The following ITGAL variants were observed in gnomAD, a reference collection of about 807,000 sequenced individuals.
ITGAL encodes the protein integrin subunit alpha L.
ITGAL carries 68 observed loss-of-function variants against 138.4 expected under a neutral mutation model. The ratio of observed to expected loss-of-function variants is 0.49; its 90% CI spans 0.40 to 0.60. The LOEUF (loss-of-function observed/expected upper bound fraction) is 0.60. Ranked by LOEUF, ITGAL falls within the 20% of genes least tolerant of loss-of-function variation. The pLI, the probability that ITGAL is intolerant of heterozygous loss-of-function variation, is 0.00. For synonymous variants in ITGAL, 561 were observed against 584.3 expected (o/e 0.96, Z 0.57); for missense variants, 1,256 against 1,478.6 (o/e 0.85, Z 2.47).
Position 30,494,161 on chromosome 16 carries a change from T to A in ITGAL, c.1214-51T>A. On this transcript the variant is annotated intron_variant, in intron 11 of 30. Coordinates refer to ENST00000356798, the MANE Select transcript of ITGAL (RefSeq NM_002209.3). This position sits in a 1 kb window ranked among gnomAD's most constrained non-coding sequence, Gnocchi z 4.2. ...GCCCCTGCCCCTCTCCTGCTGGGTGTTCTTCCAGCATCCTGTGTTCCTAAC... is the reference window on the plus strand; with the variant it reads ...GCCCCTGCCCCTCTCCTGCTGGGTGATCTTCCAGCATCCTGTGTTCCTAAC... The A allele has an allele frequency of 6.7e-7, 1 of 1,493,896 alleles. No homozygotes were observed. The highest frequency in any genetic ancestry group is 9.1e-7 in the Non-Finnish European group (1 of 1,100,532). The allele number at this position is 1,493,896 out of a possible 1,614,324, so 92.5% of individuals were successfully genotyped here. A position where few individuals can be genotyped will look rare whatever the true frequency, so the allele number is the denominator to read the frequency against.
chr16:30,477,816 G>T (rs2050492466), intron 4 of ITGAL, among the ~76,000 whole-genome samples: 1 of 151,754 alleles, frequency 6.6e-6, no homozygotes, highest in Non-Finnish European at 1.5e-5. Flanking sequence ...AGCCCAGGAA[G>T]TTGAGGCTGC....
chr16:30,474,860 CT>C (rs58194640), intron 2 of ITGAL, among the ~76,000 whole-genome samples: 70 of 114,384 alleles, frequency 6.1e-4, no homozygotes, highest in Middle Eastern at 4.5e-3. Flanking sequence ...TTTTTTTTTT[CT>C]TTTTTTTTTT....
At chr16:30,506,550 C>G in intron 20 of ITGAL, among the ~76,000 whole-genome samples, 165 bp from the exon 21 acceptor site, 1 of 91,906 alleles carries the variant, frequency 1.1e-5, no homozygotes, top group Non-Finnish European at 1.9e-5. Context: ...CAGAGTGAGA[C>G]TCCATCTCAA....
rs2051277298 is a variant in ITGAL, at chr16:30,523,045, C to T, written c.*1380C>T. 6.6e-6 allele frequency: 1 copy of T among 152,408 alleles called. No individual in the cohort carries two copies. Among genetic ancestry groups the T allele is most frequent in the South Asian group, 2.1e-4 (1 of 4,846 alleles). The allele number at this position is 152,408 out of a possible 1,614,324, so 9.4% of individuals were successfully genotyped here. Reference sequence around the variant, plus strand: ...CTGCCCTGCCCTAGCTCCACACCCTCTCCCAGGACCCATCACGCCTGTGCA... The same window carrying T: ...CTGCCCTGCCCTAGCTCCACACCCTTTCCCAGGACCCATCACGCCTGTGCA... On this transcript the variant is annotated 3_prime_UTR_variant, in exon 31 of 31. Coordinates refer to ENST00000356798, the MANE Select transcript of ITGAL (RefSeq NM_002209.3).
At chr16:30,507,475 A>G (rs1235384876) in intron 21 of ITGAL, among the ~76,000 whole-genome samples, 1 of 151,092 alleles carries the variant, frequency 6.6e-6, no homozygotes, top group Non-Finnish European at 1.5e-5. Flanking sequence ...AAACAAAAAA[A>G]AAAACAAAAA....
chr16:30,496,035 C>T, intron 13 of ITGAL, 62 bp from the exon 14 acceptor site: 1 of 1,328,088 alleles, frequency 7.5e-7, no homozygotes, highest in Non-Finnish European at 1.1e-6. Context: ...ATTCTTCACT[C>T]AGTTGTTCTG....
At chr16:30,512,901 A>C (rs368981810) in intron 24 of ITGAL, among the ~76,000 whole-genome samples, 1 of 152,090 alleles carries the variant, frequency 6.6e-6, no homozygotes, top group Non-Finnish European at 1.5e-5. Context: ...GGGTTTCGCC[A>C]TGTTGGCCAG....
chr16:30,508,631 C>A (rs1278783428), intron 21 of ITGAL, among the ~76,000 whole-genome samples: 1 of 152,076 alleles, frequency 6.6e-6, no homozygotes, highest in East Asian at 1.9e-4. Context: ...GAGTTCGAGG[C>A]CGCTGTGAGC....
chr16:30,519,765 G>A (rs551245754), intron 29 of ITGAL, 92 bp from the exon 30 acceptor site: 46 of 821,342 alleles, frequency 5.6e-5, no homozygotes, highest in African/African-American at 3.8e-4. Context: ...GATGCAGTCC[G>A]GATAGGAGGA....
At chr16:30,519,498 G>A (rs946501303) in intron 29 of ITGAL, among the ~76,000 whole-genome samples, 1 of 152,224 alleles carries the variant, frequency 6.6e-6, no homozygotes, top group African/African-American at 2.4e-5. Flanking sequence ...GGCCTCTGTG[G>A]TGAGTGTTGG....
intron 24 of ITGAL, 23 bp downstream of exon 24, chr16:30,511,159 C>A: frequency 6.4e-7 from 1 of 1,569,586 alleles, no homozygotes; most frequent in Non-Finnish European, 8.8e-7. Context: ...CAGCAGACAG[C>A]CAACCCTCTC....
At chr16:30,502,782 G>A (rs4341759) in intron 17 of ITGAL, among the ~76,000 whole-genome samples, 51,199 of 150,036 alleles carry the variant, frequency 0.34, 11,242 homozygotes, top group East Asian at 0.85. Context: ...AGACAGTATA[G>A]GATTGGGACA....
intron 17 of ITGAL, among the ~76,000 whole-genome samples, chr16:30,500,057 ATTATTTAT>A (rs34854709): frequency 0.028 from 3,539 of 125,454 alleles, 53 homozygotes; most frequent in South Asian, 0.04. Context: ...CCTATTTTAT[ATTATTTAT>A]TTATTTATTT....
intron 4 of ITGAL, among the ~76,000 whole-genome samples, 154 bp downstream of exon 4, chr16:30,475,734 CTTTTTTTTTTTTTT>C (rs35994365): frequency 1.2e-5 from 1 of 81,308 alleles, no homozygotes; most frequent in Non-Finnish European, 2.4e-5. Context: ...ATGAACCAGC[CTTTTTTTTTTTTTT>C]TTTTTTTTTT....
In ITGAL at chr16:30,511,105, A is replaced by G. The variant is rs1235616327; in HGVS notation, c.2755A>G (p.Ile919Val). The G allele has an allele frequency of 6.2e-7, 1 of 1,613,714 alleles. No individual in the cohort carries two copies. Among genetic ancestry groups the G allele is most frequent in the Non-Finnish European group, 8.5e-7 (1 of 1,179,776 alleles). Residue 919 changes from isoleucine (I) to valine (V), a missense_variant, in exon 24 of 31, where the codon ATC becomes GTC. This residue lies in a region of ITGAL where 867 missense variants were observed against 972.5 expected (regional missense o/e 0.89). Transcript: ENST00000356798. ...CAACTCAGCCACTACCATCATCCCC[A>G]TCCTGTACCCCATCAACATCCTCAT... ...EDNSATTIIPILYPINILIQD... is the reference protein window; with the variant it reads ...EDNSATTIIPVLYPINILIQD...
chr16:30,491,324 T>C (rs2050721391), intron 11 of ITGAL, among the ~76,000 whole-genome samples: 1 of 151,176 alleles, frequency 6.6e-6, no homozygotes, highest in Non-Finnish European at 1.5e-5. Flanking sequence ...TCTCTTGAAC[T>C]CTGGAGGTAC....
Position 30,502,185 on chromosome 16 carries a change from G to C in ITGAL, c.2146-1990G>C, listed in dbSNP as rs183100175. On this transcript the variant is annotated intron_variant, in intron 17 of 30. Transcript: ENST00000356798. ...GGCCAAGGTGGGCGGATCACGAGGT[G>C]AGGAGATTGAGACCATCCTGGCTAA... is the stretch of plus-strand genomic sequence containing the variant. Among the ~76,000 whole-genome samples, 546 of 151,760 alleles carry C rather than the reference G, an allele frequency of 3.6e-3. 4 individuals carry two copies. Among genetic ancestry groups the C allele is most frequent in the African/African-American group, 9.9e-3 (411 of 41,400 alleles).
At chr16:30,505,587 GA>G in intron 20 of ITGAL, 125 bp downstream of exon 20, 2 of 745,638 alleles carry the variant, frequency 2.7e-6, no homozygotes, top group East Asian at 5.2e-5. Flanking sequence ...CCTTTTCTGA[GA>G]AATTTGAGGC....
At chr16:30,506,627 A>C (rs1177542794) in intron 20 of ITGAL, 88 bp from the exon 21 acceptor site, 3 of 511,548 alleles carry the variant, frequency 5.9e-6, no homozygotes, top group Non-Finnish European at 9.5e-6. Flanking sequence ...GTTTTGATTT[A>C]TTTCTTTCTG....
Sources: gnomAD v4.1 joint callset for allele counts (sites outside exome capture counted in the v4.1 genomes callset) on GRCh38, gnomAD v4.1.1 for gene constraint, gnomAD v4.1.1 regional missense constraint, Gnocchi (gnomAD v3.1) non-coding constraint, MANE v1.5 for transcripts, NCBI Gene and HGNC (gene_info 2026-07-23, HGNC 2026-07-21) for gene names.